SIK3: variants seen among roughly 807,000 people sequenced by gnomAD.
SIK3 encodes SIK family kinase 3, also known as serine/threonine-protein kinase SIK3.
Under a neutral mutation model 144.2 loss-of-function variants are expected in SIK3, and 28 were observed. That is an observed-to-expected ratio of 0.19 (90% CI 0.14 to 0.27). SIK3 has a LOEUF of 0.27. Ranked by LOEUF, SIK3 falls within the 10% of genes least tolerant of loss-of-function variation. The probability of loss-of-function intolerance (pLI) is 1.00; values close to 1 mark genes in which losing one functional copy is unlikely to be tolerated. For missense variants in SIK3, 1,319 were observed against 1,776.0 expected, an observed-to-expected ratio of 0.74 and a Z score of 4.62; for synonymous variants, 686 against 676.3, an observed-to-expected ratio of 1.01 and a Z score of -0.22.
In SIK3 at chr11:117,098,132, T is replaced by A; in HGVS notation, c.273+11A>T. ...CACGCTCCGACTGCCGCCTGGCCCC[T>A]GCGCCGGTACCTTGGCCTTGGTGAC... On this transcript the variant is annotated intron_variant, in intron 1 of 24. Transcript: ENST00000445177. 6.8e-7 allele frequency: 1 copy of A among 1,471,066 alleles called. No homozygotes were observed. The allele number at this position is 1,471,066 out of a possible 1,614,324, so 91.1% of individuals were successfully genotyped here.
intron 1 of SIK3, among the ~76,000 whole-genome samples, chr11:117,020,751 G>C (rs902845786): frequency 1.3e-5 from 2 of 152,162 alleles, no homozygotes; most frequent in Non-Finnish European, 2.9e-5. Context: ...TACTCTTCCA[G>C]GCTTTGCCCT....
At chr11:116,896,227 T>C (rs771998548) in intron 6 of SIK3, 26 bp downstream of exon 6, 8 of 1,612,078 alleles carry the variant, frequency 5.0e-6, no homozygotes, top group Middle Eastern at 1.6e-4. Context: ...AACCCATTCA[T>C]AGCTGTGTGC....
chr11:117,021,113 C>G (rs190884790), intron 1 of SIK3, among the ~76,000 whole-genome samples: 87 of 152,322 alleles, frequency 5.7e-4, no homozygotes, highest in African/African-American at 1.7e-3. Flanking sequence ...TGTGTGGGGA[C>G]ACACTCCCAC....
At chr11:116,927,416 G>C in intron 3 of SIK3, 36 bp from the exon 4 acceptor site, 4 of 1,599,060 alleles carry the variant, frequency 2.5e-6, no homozygotes, top group Non-Finnish European at 3.4e-6. Context: ...TTTTCATTTT[G>C]GACACTTGTG....
Position 116,935,299 on chromosome 11 carries a change from A to G in SIK3, c.455-7919T>C, listed in dbSNP as rs1365366477. 4.6e-5 allele frequency among the ~76,000 whole-genome samples: 7 copies of G among 151,458 alleles called. No homozygotes were observed. The East Asian group carries it at 1.2e-3, about 25-fold the overall frequency. On this transcript the variant is annotated intron_variant, in intron 3 of 24. Coordinates refer to ENST00000445177, the MANE Select transcript of SIK3 (RefSeq NM_001366686.3). ...ATTATTAATTATATTGATTATTAAT[A>G]CTTATTAATTTATTATTATAAATTA...
At chr11:117,023,621 A>AAATATATATATATATATATATATATAT in intron 1 of SIK3, among the ~76,000 whole-genome samples, 1 of 95,420 alleles carries the variant, frequency 1.0e-5, no homozygotes, top group African/African-American at 4.3e-5. Context: ...AAAAAAAAAA[A>AAATATATATATATATATATATATATAT]ATATATATAT....
chr11:117,047,107 T>C (rs781495393), intron 1 of SIK3, among the ~76,000 whole-genome samples: 1 of 152,232 alleles, frequency 6.6e-6, no homozygotes, highest in Non-Finnish European at 1.5e-5. Context: ...AATGAAAACA[T>C]GTATATTATT....
rs1434111015 is a variant in SIK3 at position 116,863,791 on chromosome 11, C to A, written c.1980G>T (p.Leu660=). The change falls in exon 16 of 25, where the codon CTG becomes CTT. Residue 660 remains leucine (L), a synonymous_variant. Coordinates refer to ENST00000445177, the MANE Select transcript of SIK3 (RefSeq NM_001366686.3). ...GGGAGAAACGCTCCGTAGGGAGGTG[C>A]AGAGTGTTGGAGTCCTTGTAGGTAG... ...HRSTYKDSNT[L]HLPTERFSPV... 2.5e-6 allele frequency: 4 copies of A among 1,613,576 alleles called. No homozygotes were observed. The highest frequency in any genetic ancestry group is 3.4e-6 in the Non-Finnish European group (4 of 1,179,708).
chr11:117,097,765 T>C (rs1955544839), intron 1 of SIK3, among the ~76,000 whole-genome samples: 1 of 152,140 alleles, frequency 6.6e-6, no homozygotes, highest in South Asian at 2.1e-4. Context: ...GCCCCTGCCC[T>C]CATTCCCTTA....
intron 6 of SIK3, among the ~76,000 whole-genome samples, chr11:116,888,214 GA>G (rs1162552115): frequency 6.6e-6 from 1 of 152,178 alleles, no homozygotes; most frequent in East Asian, 1.9e-4. Context: ...CCTTCAGGAA[GA>G]AAAACAGATA....
intron 1 of SIK3, among the ~76,000 whole-genome samples, chr11:117,011,520 T>A (rs1373940068): frequency 9.5e-6 from 1 of 104,748 alleles, no homozygotes; most frequent in East Asian, 2.2e-4. Context: ...TAAACGGAAA[T>A]TTTTTTTTTT....
intron 4 of SIK3, among the ~76,000 whole-genome samples, chr11:116,910,020 A>G (rs1233266765): frequency 2.1e-4 from 32 of 152,204 alleles, no homozygotes; most frequent in Non-Finnish European, 2.9e-5. Flanking sequence ...TATTTTAGTG[A>G]TAGGTATAAT....
chr11:117,017,649 T>C (rs375868230), intron 1 of SIK3, among the ~76,000 whole-genome samples: 1 of 152,152 alleles, frequency 6.6e-6, no homozygotes, highest in Admixed American at 6.5e-5. Context: ...TAGGTCATCA[T>C]TCTAGTAGAA....
intron 1 of SIK3, among the ~76,000 whole-genome samples, chr11:117,086,034 A>G (rs1251651109): frequency 1.3e-5 from 2 of 152,218 alleles, no homozygotes; most frequent in African/African-American, 2.4e-5. Context: ...TTTCCCCTCA[A>G]TTAACTAAGC....
rs189039036 is a variant in SIK3 at position 117,080,841 on chromosome 11, G to C, written c.273+17302C>G. 2.6e-5 allele frequency among the ~76,000 whole-genome samples: 4 copies of C among 152,140 alleles called. No individual in the cohort carries two copies. The East Asian group carries it at 7.7e-4, about 29-fold the overall frequency. ...CGCGCACCTGTAATCCCAGCTACTT[G>C]GGAGGCTGAGGTGGGAGAATCACTC... is the stretch of plus-strand genomic sequence containing the variant. On this transcript the variant is annotated intron_variant, in intron 1 of 24. Coordinates refer to ENST00000445177, the MANE Select transcript of SIK3 (RefSeq NM_001366686.3).
chr11:116,982,558 G>A (rs1016069533), intron 1 of SIK3, among the ~76,000 whole-genome samples: 8 of 152,064 alleles, frequency 5.3e-5, no homozygotes, highest in Non-Finnish European at 1.2e-4. Context: ...AAAGTGCTGG[G>A]ATTACAGGCG....
intron 2 of SIK3, among the ~76,000 whole-genome samples, chr11:116,954,943 T>C (rs959997997): frequency 2.0e-5 from 3 of 152,334 alleles, no homozygotes; most frequent in Middle Eastern, 3.4e-3. Flanking sequence ...ATTTTAACTT[T>C]TCTAGTAGCC....
At chr11:116,898,495 T>G (rs953096131) in intron 4 of SIK3, among the ~76,000 whole-genome samples, 1 of 152,042 alleles carries the variant, frequency 6.6e-6, no homozygotes, top group Admixed American at 6.6e-5. Flanking sequence ...TACCCAGTAA[T>G]GGGATGGCTG....
Position 116,947,569 on chromosome 11 carries a change from A to ATTT in SIK3, c.454+6472_454+6474dup, listed in dbSNP as rs1555107834. On this transcript the variant is annotated intron_variant, in intron 3 of 24. Coordinates refer to ENST00000445177, the MANE Select transcript of SIK3 (RefSeq NM_001366686.3). ...TATGTATGTATGTATGTATGTATGT[A>ATTT]TTTTTTTTTTTTTTGAGACAGAGTC... is the stretch of plus-strand genomic sequence containing the variant. Among the ~76,000 whole-genome samples the ATTT allele has an allele frequency of 2.0e-3, 221 of 109,424 alleles. 1 individual carries two copies. The highest frequency in any genetic ancestry group is 0.011 in the South Asian group (32 of 3,016). The allele number at this position is 109,424 out of a possible 152,430, so 71.8% of individuals were successfully genotyped here. A position where few individuals can be genotyped will look rare whatever the true frequency, so the allele number is the denominator to read the frequency against.
Sources: allele counts gnomAD v4.1 joint callset (sites outside exome capture counted in the v4.1 genomes callset), GRCh38; gene constraint gnomAD v4.1.1; transcripts MANE v1.5; gene names NCBI Gene and HGNC (gene_info 2026-07-23, HGNC 2026-07-21).